The following GPC5 variants were observed in gnomAD, a reference collection of about 807,000 sequenced individuals.
GPC5 encodes the protein glypican-5.
In GPC5, 47 loss-of-function variants were observed where a neutral mutation model predicts 53.9. The ratio of observed to expected loss-of-function variants is 0.87; its 90% CI spans 0.69 to 1.11. The LOEUF (loss-of-function observed/expected upper bound fraction) is 1.11, where lower values mean the gene tolerates loss of function less well. Ranked by LOEUF, GPC5 falls within the 50% of genes most tolerant of loss-of-function variation. GPC5 has a pLI of 0.00. For missense variants in GPC5, 748 were observed against 713.1 expected (o/e 1.05, Z -0.56); for synonymous variants, 286 against 263.3 (o/e 1.09, Z -0.84).
At chr13:92,452,607 G>A (rs910589378) in intron 7 of GPC5, among the ~76,000 whole-genome samples, 2 of 151,856 alleles carry the variant, frequency 1.3e-5, no homozygotes, top group African/African-American at 4.8e-5. Flanking sequence ...CCACTCTGTC[G>A]CCCAAGCTGT....
chr13:91,905,863 T>C (rs2039547322), intron 5 of GPC5, among the ~76,000 whole-genome samples: 1 of 152,120 alleles, frequency 6.6e-6, no homozygotes, highest in African/African-American at 2.4e-5. Flanking sequence ...ATTACTCAGA[T>C]GATAGTATTT....
intron 7 of GPC5, among the ~76,000 whole-genome samples, chr13:92,314,870 G>A (rs2043168144): frequency 6.6e-6 from 1 of 152,064 alleles, no homozygotes; most frequent in Non-Finnish European, 1.5e-5. Context: ...CACCCCCCAT[G>A]CTCAAGCGAT....
At chr13:92,855,135 C>T (rs1466244362) in intron 7 of GPC5, among the ~76,000 whole-genome samples, 2 of 151,924 alleles carry the variant, frequency 1.3e-5, no homozygotes, top group African/African-American at 4.8e-5. Context: ...CTACTGGTTC[C>T]AAACACAACT....
chr13:92,323,008 T>C (rs1394688157), intron 7 of GPC5, among the ~76,000 whole-genome samples: 3 of 151,810 alleles, frequency 2.0e-5, no homozygotes, highest in African/African-American at 7.3e-5. Flanking sequence ...AAGGAGAAAT[T>C]CAATCTTACT....
At chr13:92,053,716 C>T (rs1006877600) in intron 6 of GPC5, among the ~76,000 whole-genome samples, 4 of 151,826 alleles carry the variant, frequency 2.6e-5, no homozygotes, top group Non-Finnish European at 5.9e-5. Context: ...GATATGTGTT[C>T]ATTGCCTTAT....
At position 92,406,481 on chromosome 13, in the gene GPC5, C is replaced by G. The variant is rs774411763; in HGVS notation, c.1561+261492C>G. Among the ~76,000 whole-genome samples, 29 of 152,102 alleles carry G rather than the reference C, an allele frequency of 1.9e-4. 1 individual carries two copies. Among genetic ancestry groups the G allele is most frequent in the Non-Finnish European group, 3.4e-4 (23 of 68,014 alleles). On this transcript the variant is annotated intron_variant, in intron 7 of 7. Coordinates refer to ENST00000377067, the MANE Select transcript of GPC5 (RefSeq NM_004466.6). ...TATCAACTTGGAGATCATTTTACAA[C>G]TGGGAAAAAGACACCGAGTCTCAGT...
intron 7 of GPC5, among the ~76,000 whole-genome samples, chr13:92,307,806 A>G (rs1299691131): frequency 6.6e-6 from 1 of 152,250 alleles, no homozygotes; most frequent in Non-Finnish European, 1.5e-5. Context: ...ATATCCTCAA[A>G]TTATATTCAT....
At chr13:91,482,099 T>G (rs1883333625) in intron 2 of GPC5, among the ~76,000 whole-genome samples, 1 of 152,204 alleles carries the variant, frequency 6.6e-6, no homozygotes, top group South Asian at 2.1e-4. Context: ...TTGAAGGTTT[T>G]TATCCCCTCT....
At chr13:92,047,057 A>G (rs1361692799) in intron 6 of GPC5, among the ~76,000 whole-genome samples, 1 of 152,196 alleles carries the variant, frequency 6.6e-6, no homozygotes, top group East Asian at 1.9e-4. Flanking sequence ...TTCAATTTTC[A>G]AATAAGAACA....
At chr13:92,667,418 AAG>A (rs1362747804) in intron 7 of GPC5, among the ~76,000 whole-genome samples, 2 of 152,162 alleles carry the variant, frequency 1.3e-5, no homozygotes, top group Non-Finnish European at 2.9e-5. Flanking sequence ...GAGAGAGAAA[AAG>A]ACACAGCAAA....
chr13:91,562,191 A>G, intron 2 of GPC5, among the ~76,000 whole-genome samples: 1 of 65,030 alleles, frequency 1.5e-5, no homozygotes, highest in Non-Finnish European at 3.1e-5. Context: ...GCAACAGTAA[A>G]AAAAAAAAAA....
intron 7 of GPC5, among the ~76,000 whole-genome samples, chr13:92,455,487 A>G (rs1285476055): frequency 6.6e-6 from 1 of 152,178 alleles, no homozygotes; most frequent in Non-Finnish European, 1.5e-5. Context: ...TGTTTTGTAA[A>G]CAACTCTGGT....
At chr13:92,067,656 C>A (rs1162623533) in intron 6 of GPC5, among the ~76,000 whole-genome samples, 1 of 151,870 alleles carries the variant, frequency 6.6e-6, no homozygotes, top group African/African-American at 2.4e-5. Context: ...CTGTATTTAT[C>A]AAGTTGTATA....
rs1205627285 is a variant in GPC5, at chr13:91,650,309, A to G, written c.326-42878A>G. 4.6e-5 allele frequency among the ~76,000 whole-genome samples: 7 copies of G among 152,214 alleles called. No individual in the cohort carries two copies. In the South Asian group the frequency reaches 1.2e-3, roughly 27 times the overall value. On this transcript the variant is annotated intron_variant, in intron 2 of 7. Transcript: ENST00000377067. Reference sequence around the variant, plus strand: ...CTTGTGTCCATGTCTCCAACTACCAATCTGTTATTCATCTTTATAGTTTTG... The same window carrying G: ...CTTGTGTCCATGTCTCCAACTACCAGTCTGTTATTCATCTTTATAGTTTTG...
At chr13:92,665,389 C>T (rs1445951063) in intron 7 of GPC5, among the ~76,000 whole-genome samples, 1 of 152,102 alleles carries the variant, frequency 6.6e-6, no homozygotes, top group African/African-American at 2.4e-5. Flanking sequence ...ATCCCACATC[C>T]CGGAAGTGTC....
intron 7 of GPC5, among the ~76,000 whole-genome samples, chr13:92,336,535 G>T (rs758925554): frequency 7.5e-5 from 11 of 147,520 alleles, no homozygotes; most frequent in Non-Finnish European, 1.5e-4. Context: ...GATTAATATT[G>T]TCTTAGTATT....
intron 5 of GPC5, among the ~76,000 whole-genome samples, chr13:91,833,431 C>A (rs1237330352): frequency 6.6e-6 from 1 of 151,960 alleles, no homozygotes; most frequent in African/African-American, 2.4e-5. Context: ...CTGGCAAAGG[C>A]ACAACAACAA....
At chr13:92,546,538 C>T (rs555443575) in intron 7 of GPC5, among the ~76,000 whole-genome samples, 1 of 152,028 alleles carries the variant, frequency 6.6e-6, no homozygotes, top group Non-Finnish European at 1.5e-5. Context: ...AAATGGAAGA[C>T]CATTCCATGC....
chr13:92,775,678 T>G (rs530466080), intron 7 of GPC5, among the ~76,000 whole-genome samples: 1 of 152,308 alleles, frequency 6.6e-6, no homozygotes, highest in East Asian at 1.9e-4. Flanking sequence ...ACTCCATATC[T>G]ACACATTTTA....
Sources: allele counts gnomAD v4.1 joint callset (sites outside exome capture counted in the v4.1 genomes callset), GRCh38; gene constraint gnomAD v4.1.1; transcripts MANE v1.5; gene names NCBI Gene and HGNC (gene_info 2026-07-23, HGNC 2026-07-21).